TNR: variants seen among roughly 807,000 people sequenced by gnomAD.
The protein encoded by TNR is tenascin R, also known as tenascin-R.
In TNR, 45 loss-of-function variants were observed where a neutral mutation model predicts 150.4. The ratio of observed to expected loss-of-function variants is 0.30; its 90% CI spans 0.24 to 0.38. TNR has a LOEUF of 0.38. Ranked by LOEUF, TNR falls within the 10% of genes least tolerant of loss-of-function variation. The probability of loss-of-function intolerance (pLI) is 1.00; values close to 1 mark genes in which losing one functional copy is unlikely to be tolerated. For missense variants in TNR, 1,544 were observed against 1,759.1 expected, an observed-to-expected ratio of 0.88 and a Z score of 2.19; for synonymous variants, 687 against 678.4, an observed-to-expected ratio of 1.01 and a Z score of -0.20.
At chr1:175,712,441 G>A (rs1034495848) in intron 1 of TNR, among the ~76,000 whole-genome samples, 2 of 152,102 alleles carry the variant, frequency 1.3e-5, no homozygotes, top group African/African-American at 2.4e-5. Context: ...GACATAAGAC[G>A]AACTCAGGCT....
chr1:175,517,720 C>T (rs1571551232), intron 2 of TNR, among the ~76,000 whole-genome samples: 1 of 152,190 alleles, frequency 6.6e-6, no homozygotes, highest in East Asian at 1.9e-4. Context: ...AGGCAGAGAA[C>T]CTGTGTTTCA....
chr1:175,450,880 G>A (rs1455717258), intron 2 of TNR, among the ~76,000 whole-genome samples: 1 of 152,202 alleles, frequency 6.6e-6, no homozygotes, highest in Non-Finnish European at 1.5e-5. Flanking sequence ...ACATCCCACA[G>A]ATTGTTAACT....
intron 12 of TNR, among the ~76,000 whole-genome samples, chr1:175,364,498 T>C (rs1191765974): frequency 6.6e-6 from 1 of 152,232 alleles, no homozygotes; most frequent in East Asian, 1.9e-4. Context: ...GAGCTGGGAC[T>C]GATCCAATTC....
At position 175,416,129 on chromosome 1, in the gene TNR, T is replaced by TACACACAC. The variant is rs3030909; in HGVS notation, c.-63-9360_-63-9353dup. Among the ~76,000 whole-genome samples, 172 of 151,354 alleles carry TACACACAC rather than the reference T, an allele frequency of 1.1e-3. 1 individual carries two copies. The East Asian group carries it at 0.014, about 12-fold the overall frequency. The stretch of plus-strand genomic sequence containing the variant: ...AGCTTCTGACAATTATATATATATA[T>TACACACAC]ACACACACACACACTATATATATAA... On this transcript the variant is annotated intron_variant, in intron 2 of 22. Coordinates refer to ENST00000367674, the MANE Select transcript of TNR (RefSeq NM_003285.3).
chr1:175,468,876 G>A (rs1657149909), intron 2 of TNR, among the ~76,000 whole-genome samples: 1 of 152,124 alleles, frequency 6.6e-6, no homozygotes, highest in South Asian at 2.1e-4. Flanking sequence ...CTCATAAGGT[G>A]AGCACAAAGC....
chr1:175,582,822 G>T (rs12566372), intron 1 of TNR, among the ~76,000 whole-genome samples: 15,596 of 152,066 alleles, frequency 0.1, 893 homozygotes, highest in Middle Eastern at 0.15. Flanking sequence ...AGCCATAAGG[G>T]AGGGCTCCAC....
At chr1:175,723,534 C>T (rs1288271376) in intron 1 of TNR, among the ~76,000 whole-genome samples, 2 of 152,148 alleles carry the variant, frequency 1.3e-5, no homozygotes, top group Non-Finnish European at 2.9e-5. Context: ...ACTAAGTAGT[C>T]TTATATATAT....
At chr1:175,443,756 T>C (rs1020828483) in intron 2 of TNR, among the ~76,000 whole-genome samples, 6 of 151,984 alleles carry the variant, frequency 3.9e-5, no homozygotes, top group African/African-American at 1.5e-4. Context: ...GATGAGTTAG[T>C]AAGGAAGGAA....
At chr1:175,356,492 G>C in intron 15 of TNR, 30 bp from the exon 16 acceptor site, 1 of 1,612,466 alleles carries the variant, frequency 6.2e-7, no homozygotes, top group Non-Finnish European at 8.5e-7. Context: ...AATAAGGGTT[G>C]AATAAGGCTA....
intron 9 of TNR, among the ~76,000 whole-genome samples, chr1:175,376,079 G>C (rs919044977): frequency 1.3e-5 from 2 of 151,956 alleles, no homozygotes; most frequent in Non-Finnish European, 2.9e-5. Context: ...CTTGAAGCAG[G>C]GGTCCTAAAA....
chr1:175,430,186 A>C (rs896041921), intron 2 of TNR, among the ~76,000 whole-genome samples: 7 of 152,122 alleles, frequency 4.6e-5, no homozygotes, highest in African/African-American at 1.4e-4. Flanking sequence ...TTGGACAACA[A>C]ATTCTATTGC....
At chr1:175,726,056 TCATAG>T (rs1667468842) in intron 1 of TNR, among the ~76,000 whole-genome samples, 1 of 152,214 alleles carries the variant, frequency 6.6e-6, no homozygotes, top group African/African-American at 2.4e-5. Context: ...AGCACGTCTT[TCATAG>T]AATGGACAAA....
chr1:175,441,092 G>T (rs1655767944), intron 2 of TNR, among the ~76,000 whole-genome samples: 1 of 152,162 alleles, frequency 6.6e-6, no homozygotes, highest in African/African-American at 2.4e-5. Flanking sequence ...ATGAAGATGA[G>T]AGCATATGTC....
chr1:175,359,775 G>A (rs768070847), intron 14 of TNR, 44 bp from the exon 15 acceptor site: 2 of 1,565,592 alleles, frequency 1.3e-6, no homozygotes, highest in Non-Finnish European at 1.7e-6. Context: ...AGGAGCTGCA[G>A]GATAGAAATG....
chr1:175,732,140 G>A (rs1302431474), intron 1 of TNR, among the ~76,000 whole-genome samples: 2 of 152,174 alleles, frequency 1.3e-5, no homozygotes, highest in Admixed American at 6.5e-5. Flanking sequence ...TGGCCTCACA[G>A]CTCAACAAGA....
intron 1 of TNR, among the ~76,000 whole-genome samples, chr1:175,658,134 A>C (rs1665248441): frequency 6.6e-6 from 1 of 151,830 alleles, no homozygotes; most frequent in Non-Finnish European, 1.5e-5. Context: ...CCTGAACCTC[A>C]AGATGTGGAG....
intron 2 of TNR, among the ~76,000 whole-genome samples, chr1:175,451,294 A>T (rs1008691155): frequency 1.1e-4 from 17 of 151,308 alleles, no homozygotes; most frequent in African/African-American, 4.1e-4. Flanking sequence ...ATATGTATAC[A>T]TGTGCCATGT....
chr1:175,393,810 G>A lies in TNR; in HGVS notation c.1326C>T (p.Phe442=), dbSNP rs1418434452. 15 of 1,613,998 alleles carry A rather than the reference G, an allele frequency of 9.3e-6. No homozygotes were observed. The highest frequency in any genetic ancestry group is 1.7e-5 in the Admixed American group (1 of 60,000). The part of the protein sequence containing the change: ...EVQWEPFSFS[F]DGWEISFIPK... The stretch of plus-strand genomic sequence containing the variant: ...GAATGAAGCTGATTTCCCACCCATC[G>A]AAGGAAAATGAGAAGGGCTCCCACT... The change falls in exon 6 of 23, where the codon TTC becomes TTT. Residue 442 remains phenylalanine, a synonymous_variant. Coordinates refer to ENST00000367674, the MANE Select transcript of TNR (RefSeq NM_003285.3).
At chr1:175,406,879 T>C in intron 2 of TNR, 102 bp from the exon 3 acceptor site, 5 of 805,518 alleles carry the variant, frequency 6.2e-6, no homozygotes, top group Non-Finnish European at 7.2e-6. Context: ...GCCAGAGATT[T>C]TCAAGGGGGG....
Sources: gnomAD v4.1 joint callset for allele counts (sites outside exome capture counted in the v4.1 genomes callset) on GRCh38, gnomAD v4.1.1 for gene constraint, MANE v1.5 for transcripts, NCBI Gene and HGNC (gene_info 2026-07-23, HGNC 2026-07-21) for gene names.